Variants in ANKRD7 observed in about 807,000 individuals in gnomAD.
ANKRD7 encodes ankyrin repeat domain 7.
Under a neutral mutation model 30.8 loss-of-function variants are expected in ANKRD7, and 30 were observed. The ratio of observed to expected loss-of-function variants is 0.97; its 90% CI spans 0.73 to 1.32. The LOEUF (loss-of-function observed/expected upper bound fraction) is 1.32. Among genes scored for constraint, ANKRD7 ranks in the 40% most tolerant of loss-of-function variants. The pLI is 0.00. For synonymous variants in ANKRD7, 97 were observed against 106.6 expected, an observed-to-expected ratio of 0.91 and a Z score of 0.55; for missense variants, 264 against 295.7, an observed-to-expected ratio of 0.89 and a Z score of 0.79.
rs147514575 is a variant in ANKRD7 at position 118,229,336 on chromosome 7, T to G, written c.179+4327T>G. On this transcript the variant is annotated intron_variant, in intron 1 of 6. Coordinates refer to ENST00000265224, the MANE Select transcript of ANKRD7 (RefSeq NM_019644.4). ...CTACCCTTCTTCCCTGCTTTTCTCT[T>G]TAGAACTTAATATTGTCTTATGTAC... 3.3e-5 allele frequency among the ~76,000 whole-genome samples: 5 copies of G among 152,302 alleles called. No individual in the cohort carries two copies. In the East Asian group the frequency reaches 9.6e-4, roughly 29 times the overall value.
intron 5 of ANKRD7, among the ~76,000 whole-genome samples, chr7:118,237,904 C>T (rs1444190655): frequency 6.6e-6 from 1 of 151,922 alleles, no homozygotes; most frequent in Non-Finnish European, 1.5e-5. Flanking sequence ...TGGTGAATAT[C>T]CAAACTATAA....
At chr7:118,226,875 A>G (rs538799239) in intron 1 of ANKRD7, among the ~76,000 whole-genome samples, 1 of 152,356 alleles carries the variant, frequency 6.6e-6, no homozygotes, top group African/African-American at 2.4e-5. Context: ...GTGAACCTAC[A>G]CAGTTCAAAC....
At chr7:118,227,672 T>G (rs1809567558) in intron 1 of ANKRD7, among the ~76,000 whole-genome samples, 1 of 152,166 alleles carries the variant, frequency 6.6e-6, no homozygotes, top group Admixed American at 6.5e-5. Flanking sequence ...CATAATATCT[T>G]CAAACAAACC....
chr7:118,225,486 CAA>C (rs60691080), intron 1 of ANKRD7, among the ~76,000 whole-genome samples: 22 of 124,318 alleles, frequency 1.8e-4, no homozygotes, highest in Admixed American at 2.5e-4. Flanking sequence ...AGACTCATCT[CAA>C]AAAAAAAAAA....
chr7:118,239,952 T>G lies in ANKRD7; in HGVS notation c.756T>G (p.His252Gln). The G allele has an allele frequency of 6.3e-7, 1 of 1,595,896 alleles. No individual in the cohort carries two copies. Residue 252 changes from histidine to glutamine, a missense_variant, in exon 6 of 7, where the codon CAT (histidine) becomes CAG (glutamine). Transcript: ENST00000265224. ...CTGCGAGCCATGGAAAGAAGAAACA[T>G]GCTAAATAGACACCTTATTCTTGGC... ...QFTASHGKKK[H>Q]AK
intron 1 of ANKRD7, among the ~76,000 whole-genome samples, chr7:118,226,163 G>C (rs974705366): frequency 6.6e-6 from 1 of 152,224 alleles, no homozygotes; most frequent in African/African-American, 2.4e-5. Context: ...GGACTCCCCA[G>C]ATAGCTTCAT....
At chr7:118,231,934 A>G (rs892100557) in intron 1 of ANKRD7, among the ~76,000 whole-genome samples, 4 of 152,148 alleles carry the variant, frequency 2.6e-5, no homozygotes, top group African/African-American at 9.6e-5. Context: ...AAGAAGTAAC[A>G]ATATAAACTA....
At chr7:118,235,561 A>G (rs1484692754) in intron 3 of ANKRD7, among the ~76,000 whole-genome samples, 3 of 151,010 alleles carry the variant, frequency 2.0e-5, no homozygotes, top group African/African-American at 7.3e-5. Flanking sequence ...GCAGTGAGCC[A>G]AGATTGCGCC....
chr7:118,236,111 AAG>A lies in ANKRD7; in HGVS notation c.540_541del (p.Ala182Ter), dbSNP rs1168617718. 1 of 1,608,010 alleles carries A rather than the reference AAG, an allele frequency of 6.2e-7. No homozygotes were observed. The highest frequency in any genetic ancestry group is 1.1e-5 in the South Asian group (1 of 90,668). ...AAAATGGTAAAATTTCTTCTGGAGA[AAG>A]GGGCTGATGTGAATGCTTCAGATAA... On this transcript the variant is annotated frameshift_variant, in exon 4 of 7. Transcript: ENST00000265224. LOFTEE classifies it high-confidence loss of function.
intron 6 of ANKRD7, among the ~76,000 whole-genome samples, chr7:118,241,798 C>G (rs1240942917): frequency 6.6e-6 from 1 of 152,052 alleles, no homozygotes; most frequent in Non-Finnish European, 1.5e-5. Flanking sequence ...CTCGGCCTCC[C>G]AAAGTGCTAT....
intron 1 of ANKRD7, among the ~76,000 whole-genome samples, chr7:118,228,871 C>A (rs983954706): frequency 6.6e-6 from 1 of 152,120 alleles, no homozygotes; most frequent in South Asian, 2.1e-4. Flanking sequence ...TACACTTTTC[C>A]CTTTTCAGCT....
rs1162630089 is a variant in ANKRD7, at chr7:118,240,748, TATA to T, written c.*37+752_*37+754del. Among the ~76,000 whole-genome samples the T allele has an allele frequency of 3.3e-5, 5 of 152,246 alleles. No homozygotes were observed. In the East Asian group the frequency reaches 9.6e-4, roughly 29 times the overall value. On this transcript the variant is annotated intron_variant, in intron 6 of 6. Transcript: ENST00000265224. Reference sequence around the variant, plus strand: ...ATTAAGCACTGTTGATAGTAGTTAATATAAGATATACGAATTAATTATATAAAA... The same window carrying T: ...ATTAAGCACTGTTGATAGTAGTTAATAGATATACGAATTAATTATATAAAA...
rs3061682 is a variant in ANKRD7 at position 118,241,521 on chromosome 7, C to CTTTTTTTTTTTT, written c.*38-811_*38-800dup. On this transcript the variant is annotated intron_variant, in intron 6 of 6. Coordinates refer to ENST00000265224, the MANE Select transcript of ANKRD7 (RefSeq NM_019644.4). ...TTAGGGGAGAATTTCTCTGAATTAC[C>CTTTTTTTTTTTT]TTTTTTTTTTTTTTTTTTTTTTTTT... Among the ~76,000 whole-genome samples the CTTTTTTTTTTTT allele has an allele frequency of 3.0e-3, 257 of 84,538 alleles. 22 individuals are homozygous for CTTTTTTTTTTTT. Among genetic ancestry groups the CTTTTTTTTTTTT allele is most frequent in the Non-Finnish European group, 3.5e-3 (153 of 43,360 alleles). 55.5% of individuals were successfully genotyped at this position (84,538 alleles called of 152,430 possible).
At chr7:118,236,599 G>C (rs1212428076) in intron 4 of ANKRD7, among the ~76,000 whole-genome samples, 191 bp from the exon 5 acceptor site, 2 of 152,116 alleles carry the variant, frequency 1.3e-5, no homozygotes, top group African/African-American at 4.8e-5. Context: ...TACTGTTCAT[G>C]TTTAGACTCC....
chr7:118,237,362 CTATT>C (rs1446413051), intron 5 of ANKRD7, among the ~76,000 whole-genome samples: 60 of 152,204 alleles, frequency 3.9e-4, no homozygotes, highest in African/African-American at 1.4e-3. Flanking sequence ...AAAGTACACT[CTATT>C]TACACCCAAA....
intron 1 of ANKRD7, among the ~76,000 whole-genome samples, chr7:118,233,982 A>G (rs118178682): frequency 0.018 from 2,806 of 152,290 alleles, 44 homozygotes; most frequent in East Asian, 0.077. Flanking sequence ...TCAGAAACAA[A>G]TGCCAACTTT....
At position 118,224,742 on chromosome 7, in the gene ANKRD7, G is replaced by A; in HGVS notation, c.-89G>A. 1 of 1,521,674 alleles carries A rather than the reference G, an allele frequency of 6.6e-7. No homozygotes were observed. Among genetic ancestry groups the A allele is most frequent in the Non-Finnish European group, 8.8e-7 (1 of 1,139,622 alleles). 94.3% of individuals were successfully genotyped at this position (1,521,674 alleles called of 1,614,324 possible). ...TCGTCAGGTACTGGAGAGGGCTGCCGGCCGGATGCCAGGGCAGAGGGGCAG... is the reference window on the plus strand; with the variant it reads ...TCGTCAGGTACTGGAGAGGGCTGCCAGCCGGATGCCAGGGCAGAGGGGCAG... On this transcript the variant is annotated 5_prime_UTR_variant, in exon 1 of 7. Transcript: ENST00000265224.
rs1809663757 is a variant in ANKRD7 at position 118,232,734 on chromosome 7, G to GTA, written c.180-1696_180-1695insAT. Among the ~76,000 whole-genome samples, 4 of 151,944 alleles carry GTA rather than the reference G, an allele frequency of 2.6e-5. No homozygotes were observed. The South Asian group carries it at 8.3e-4, about 32-fold the overall frequency. On this transcript the variant is annotated intron_variant, in intron 1 of 6. Coordinates refer to ENST00000265224, the MANE Select transcript of ANKRD7 (RefSeq NM_019644.4). Reference sequence around the variant, plus strand: ...GAGCAGTGTGTTTGTGTGTGTGTGTGTGTGTGTGTGTGTAATTTTATGCGT... The same window carrying GTA: ...GAGCAGTGTGTTTGTGTGTGTGTGTGTATGTGTGTGTGTGTAATTTTATGCGT...
chr7:118,225,761 G>A lies in ANKRD7; in HGVS notation c.179+752G>A, dbSNP rs970432162. Reference sequence around the variant, plus strand: ...AACTTTTAAATTTTTTGAAGAAGAAGCTTGCTGAGTTTATTGATACTTAAC... The same window carrying A: ...AACTTTTAAATTTTTTGAAGAAGAAACTTGCTGAGTTTATTGATACTTAAC... On this transcript the variant is annotated intron_variant, in intron 1 of 6. Coordinates refer to ENST00000265224, the MANE Select transcript of ANKRD7 (RefSeq NM_019644.4). Among the ~76,000 whole-genome samples, 3 of 152,258 alleles carry A rather than the reference G, an allele frequency of 2.0e-5. No individual in the cohort carries two copies. The South Asian group carries it at 6.2e-4, about 32-fold the overall frequency.
Sources: allele counts gnomAD v4.1 joint callset (sites outside exome capture counted in the v4.1 genomes callset), GRCh38; gene constraint gnomAD v4.1.1; transcripts MANE v1.5; gene names NCBI Gene and HGNC (gene_info 2026-07-23, HGNC 2026-07-21).